Variants in LY96 observed in about 807,000 individuals in gnomAD.
LY96 encodes myeloid differentiation protein-2.
Under a neutral mutation model 18.9 loss-of-function variants are expected in LY96, and 18 were observed. The ratio of observed to expected loss-of-function variants is 0.95; its 90% CI spans 0.66 to 1.41. The LOEUF (loss-of-function observed/expected upper bound fraction) is 1.41. Among genes scored for constraint, LY96 ranks in the 40% most tolerant of loss-of-function variants. The pLI, the probability that LY96 is intolerant of heterozygous loss-of-function variation, is 0.00. For synonymous variants in LY96, 66 were observed against 62.6 expected, an observed-to-expected ratio of 1.06 and a Z score of -0.26; for missense variants, 175 against 182.4, an observed-to-expected ratio of 0.96 and a Z score of 0.23.
chr8:74,072,355 G>T, the LY96 span, among the ~76,000 whole-genome samples: 1 of 152,044 alleles, frequency 6.6e-6, no homozygotes, highest in Non-Finnish European at 1.5e-5. Context: ...CATATTTTAT[G>T]GGCCATATCT....
intron 1 of LY96, among the ~76,000 whole-genome samples, chr8:73,992,712 T>C (rs1327717506): frequency 1.3e-5 from 2 of 152,112 alleles, no homozygotes; most frequent in Non-Finnish European, 2.9e-5. Flanking sequence ...CAAACGTATG[T>C]CTAAAATCTC....
the LY96 span, among the ~76,000 whole-genome samples, chr8:74,090,522 A>G: frequency 2.3e-4 from 35 of 152,366 alleles, no homozygotes; most frequent in Admixed American, 4.6e-4. Context: ...CTTTGCTTCT[A>G]TTAAATCTGT....
intron 2 of LY96, among the ~76,000 whole-genome samples, chr8:74,006,563 T>A (rs781334357): frequency 9.9e-5 from 15 of 152,130 alleles, no homozygotes; most frequent in Non-Finnish European, 2.1e-4. Context: ...CTGCAGATAG[T>A]ATGGTATAAG....
At chr8:74,037,652 A>T in the LY96 span, among the ~76,000 whole-genome samples, 1 of 152,070 alleles carries the variant, frequency 6.6e-6, no homozygotes, top group African/African-American at 2.4e-5. Context: ...ATTTAAAATA[A>T]TTTTTAAAAA....
chr8:73,992,781 G>GC (rs957619270), intron 1 of LY96, among the ~76,000 whole-genome samples: 7 of 151,390 alleles, frequency 4.6e-5, no homozygotes, highest in African/African-American at 1.5e-4. Flanking sequence ...ACTCTACTTG[G>GC]CCCCCACTTC....
chr8:74,043,548 T>C, the LY96 span, among the ~76,000 whole-genome samples: 1 of 152,218 alleles, frequency 6.6e-6, no homozygotes, highest in Non-Finnish European at 1.5e-5. Flanking sequence ...AATTTGCTCA[T>C]ATTAGTTGCC....
chr8:74,077,714 T>C, the LY96 span, among the ~76,000 whole-genome samples: 1 of 151,772 alleles, frequency 6.6e-6, no homozygotes, highest in African/African-American at 2.4e-5. Flanking sequence ...AATATTATGA[T>C]ATATAAATAT....
At chr8:74,006,418 G>A (rs192790164) in intron 2 of LY96, among the ~76,000 whole-genome samples, 2 of 152,196 alleles carry the variant, frequency 1.3e-5, no homozygotes, top group Admixed American at 1.3e-4. Context: ...GGCTGGTCTT[G>A]AACTCCTAAC....
the LY96 span, among the ~76,000 whole-genome samples, chr8:74,037,873 T>C: frequency 0.31 from 46,837 of 152,010 alleles, 9,326 homozygotes; most frequent in African/African-American, 0.57. Flanking sequence ...CTAGCCCTCC[T>C]ACCATTCCCT....
chr8:74,088,782 C>A, the LY96 span, among the ~76,000 whole-genome samples: 2 of 152,096 alleles, frequency 1.3e-5, no homozygotes, highest in Non-Finnish European at 1.5e-5. Context: ...CATGGGGTTT[C>A]ACAGTGTTGG....
the LY96 span, among the ~76,000 whole-genome samples, chr8:74,060,797 G>A: frequency 1.3e-5 from 2 of 152,326 alleles, no homozygotes; most frequent in East Asian, 1.9e-4. Context: ...TGTTTCCTCA[G>A]GAGAAGTAAA....
chr8:74,044,734 G>C, the LY96 span, among the ~76,000 whole-genome samples: 1 of 151,908 alleles, frequency 6.6e-6, no homozygotes, highest in African/African-American at 2.4e-5. Flanking sequence ...TTTTTTCTCT[G>C]AGCAAATTAT....
chr8:74,032,180 C>T (rs888451584), downstream of LY96, among the ~76,000 whole-genome samples: 7 of 152,038 alleles, frequency 4.6e-5, no homozygotes, highest in African/African-American at 1.4e-4. Context: ...ACATAAAACC[C>T]GAAAAGCCAC....
At chr8:74,051,527 T>C in the LY96 span, among the ~76,000 whole-genome samples, 1 of 152,210 alleles carries the variant, frequency 6.6e-6, no homozygotes, top group African/African-American at 2.4e-5. Flanking sequence ...GCAGGTACCA[T>C]GGACTGAATG....
intron 3 of LY96, among the ~76,000 whole-genome samples, chr8:74,017,101 C>T (rs903835448): frequency 2.6e-4 from 40 of 152,296 alleles, no homozygotes; most frequent in Non-Finnish European, 3.7e-4. Context: ...TAACAAACTT[C>T]GCTGAGCTAA....
the LY96 span, among the ~76,000 whole-genome samples, chr8:74,040,051 C>T: frequency 6.6e-5 from 10 of 152,286 alleles, no homozygotes; most frequent in Non-Finnish European, 1.0e-4. Flanking sequence ...GGCCCTTATG[C>T]GGGCGTGACA....
At chr8:74,016,152 C>T (rs1396242949) in intron 3 of LY96, among the ~76,000 whole-genome samples, 1 of 152,218 alleles carries the variant, frequency 6.6e-6, no homozygotes, top group Non-Finnish European at 1.5e-5. Flanking sequence ...TTGGGACACT[C>T]CCACCTTAAT....
the LY96 span, among the ~76,000 whole-genome samples, chr8:74,035,596 C>T: frequency 3.9e-5 from 6 of 152,200 alleles, 1 homozygote; most frequent in Admixed American, 3.9e-4. Flanking sequence ...GGGGATCAGA[C>T]ATGCCTCAGT....
intron 1 of LY96, among the ~76,000 whole-genome samples, chr8:73,994,660 A>G (rs1260562304): frequency 1.3e-5 from 2 of 152,052 alleles, no homozygotes; most frequent in African/African-American, 4.8e-5. Context: ...CTAATTTTTA[A>G]GTTTTTTGTA....
Sources: allele counts gnomAD v4.1 joint callset (sites outside exome capture counted in the v4.1 genomes callset), GRCh38; gene constraint gnomAD v4.1.1; transcripts MANE v1.5; gene names NCBI Gene and HGNC (gene_info 2026-07-23, HGNC 2026-07-21).